ADAMTSL1: variants seen among roughly 807,000 people sequenced by gnomAD.
ADAMTSL1 encodes the protein ADAMTS-like protein 1.
ADAMTSL1 carries 126 observed loss-of-function variants against 201.8 expected under a neutral mutation model. The ratio of observed to expected loss-of-function variants is 0.62; its 90% CI spans 0.54 to 0.72. ADAMTSL1 has a LOEUF of 0.72. ADAMTSL1 is among the 30% of genes least tolerant of loss of function. The pLI, the probability that ADAMTSL1 is intolerant of heterozygous loss-of-function variation, is 0.00. For synonymous variants in ADAMTSL1, 1,121 were observed against 903.4 expected, an observed-to-expected ratio of 1.24 and a Z score of -4.32; for missense variants, 2,679 against 2,277.8, an observed-to-expected ratio of 1.18 and a Z score of -3.59.
At chr9:18,658,949 T>C (rs1828885548) in intron 8 of ADAMTSL1, among the ~76,000 whole-genome samples, 1 of 152,248 alleles carries the variant, frequency 6.6e-6, no homozygotes, top group South Asian at 2.1e-4. Context: ...TGGCACACAT[T>C]ACCAAATTCT....
chr9:18,848,017 G>A (rs1183873420), intron 23 of ADAMTSL1, among the ~76,000 whole-genome samples: 1 of 152,248 alleles, frequency 6.6e-6, no homozygotes, highest in Non-Finnish European at 1.5e-5. Flanking sequence ...GAATGTTATA[G>A]AGCTGACTCT....
At chr9:18,634,736 G>T (rs1437148896) in intron 5 of ADAMTSL1, among the ~76,000 whole-genome samples, 1 of 151,128 alleles carries the variant, frequency 6.6e-6, no homozygotes, top group African/African-American at 2.4e-5. Context: ...TACTTGGGAG[G>T]CTGAGGCAGA....
chr9:18,111,595 G>A (rs1413270348), intron 1 of ADAMTSL1, among the ~76,000 whole-genome samples: 1 of 152,138 alleles, frequency 6.6e-6, no homozygotes, highest in Non-Finnish European at 1.5e-5. Flanking sequence ...AAAATTTCAA[G>A]CATCATTTAA....
At chr9:18,880,432 A>G (rs888093132) in intron 23 of ADAMTSL1, among the ~76,000 whole-genome samples, 12 of 152,206 alleles carry the variant, frequency 7.9e-5, no homozygotes, top group Non-Finnish European at 8.8e-5. Context: ...TGCAGAATGG[A>G]TGTTATGTTC....
chr9:18,841,861 T>C (rs1825738692), intron 23 of ADAMTSL1, among the ~76,000 whole-genome samples: 1 of 152,218 alleles, frequency 6.6e-6, no homozygotes, highest in African/African-American at 2.4e-5. Context: ...GTACTTTGTA[T>C]TTCTGTGGGA....
chr9:18,327,138 T>TA (rs1388920798), intron 2 of ADAMTSL1, among the ~76,000 whole-genome samples: 1 of 152,258 alleles, frequency 6.6e-6, no homozygotes, highest in Non-Finnish European at 1.5e-5. Flanking sequence ...AGGTCATTTT[T>TA]AGTTATATGC....
chr9:18,222,506 A>G (rs1830296108), intron 2 of ADAMTSL1, among the ~76,000 whole-genome samples: 2 of 151,854 alleles, frequency 1.3e-5, no homozygotes, highest in Admixed American at 1.3e-4. Flanking sequence ...AAATGCTTTC[A>G]CTTCAATCAT....
intron 23 of ADAMTSL1, among the ~76,000 whole-genome samples, chr9:18,831,564 T>A (rs76030825): frequency 0.015 from 2,350 of 152,362 alleles, 27 homozygotes; most frequent in Non-Finnish European, 0.023. Context: ...TTTTGTTTCA[T>A]TTTAGCCATG....
intron 2 of ADAMTSL1, among the ~76,000 whole-genome samples, chr9:18,399,670 G>A (rs977967923): frequency 2.6e-5 from 4 of 152,076 alleles, no homozygotes; most frequent in Middle Eastern, 3.4e-3. Flanking sequence ...TTATTTTAAA[G>A]TCTTCATTTT....
At chr9:18,420,651 C>G (rs1344007406) in intron 2 of ADAMTSL1, among the ~76,000 whole-genome samples, 1 of 151,772 alleles carries the variant, frequency 6.6e-6, no homozygotes, top group Non-Finnish European at 1.5e-5. Context: ...TCATTGATAG[C>G]AGGGGACCTG....
In ADAMTSL1 at chr9:18,143,552, T is replaced by G. The variant is rs73645726; in HGVS notation, c.88-20310T>G. 2.6e-3 allele frequency among the ~76,000 whole-genome samples: 392 copies of G among 152,234 alleles called. 1 individual carries two copies. Among genetic ancestry groups the G allele is most frequent in the African/African-American group, 9.1e-3 (377 of 41,558 alleles). ...GTCACTCTGTCTGATGGAATCATATTGGCATCCTCCCTTGTCAGAACCCCA... is the reference window on the plus strand; with the variant it reads ...GTCACTCTGTCTGATGGAATCATATGGGCATCCTCCCTTGTCAGAACCCCA... On this transcript the variant is annotated intron_variant, in intron 1 of 29. Transcript: ENST00000680146.
intron 1 of ADAMTSL1, among the ~76,000 whole-genome samples, chr9:18,155,131 C>T (rs2156685): frequency 4.6e-5 from 7 of 151,912 alleles, no homozygotes; most frequent in African/African-American, 1.7e-4. Context: ...TTATTTTCTT[C>T]TATTTTGTTT....
intron 1 of ADAMTSL1, among the ~76,000 whole-genome samples, chr9:17,982,288 C>T (rs1381862815): frequency 1.3e-5 from 2 of 152,078 alleles, no homozygotes; most frequent in Non-Finnish European, 2.9e-5. Flanking sequence ...TGAGTTGTGG[C>T]CTTGTCAGAT....
intron 7 of ADAMTSL1, among the ~76,000 whole-genome samples, chr9:18,655,839 A>AAAAAAAAAAAAAAAT (rs1353421587): frequency 1.1e-5 from 1 of 92,856 alleles, no homozygotes; most frequent in African/African-American, 3.6e-5. Flanking sequence ...AAAAAAAAAG[A>AAAAAAAAAAAAAAAT]ACTTTCCAAG....
intron 4 of ADAMTSL1, 66 bp from the exon 5 acceptor site, chr9:18,622,177 G>T (rs974114011): frequency 1.3e-6 from 2 of 1,577,398 alleles, no homozygotes; most frequent in South Asian, 1.2e-5. Flanking sequence ...CATGGTGATT[G>T]GCCTCATAAT....
chr9:17,941,144 G>A (rs1827223700), intron 1 of ADAMTSL1, among the ~76,000 whole-genome samples: 1 of 152,096 alleles, frequency 6.6e-6, no homozygotes, highest in South Asian at 2.1e-4. Context: ...GCATGTTTTT[G>A]TCTGTATTGT....
At chr9:18,554,612 G>A (rs542118770) in intron 3 of ADAMTSL1, among the ~76,000 whole-genome samples, 42 of 151,216 alleles carry the variant, frequency 2.8e-4, no homozygotes, top group Non-Finnish European at 3.4e-4. Flanking sequence ...ACCTTTACCC[G>A]TAGCCAACCT....
At chr9:18,033,747 C>T (rs1166841404) in intron 1 of ADAMTSL1, among the ~76,000 whole-genome samples, 3 of 152,220 alleles carry the variant, frequency 2.0e-5, no homozygotes, top group African/African-American at 4.8e-5. Flanking sequence ...TCTTTATACT[C>T]ATACTATAAT....
intron 2 of ADAMTSL1, among the ~76,000 whole-genome samples, chr9:18,295,862 T>G (rs1833460598): frequency 1.3e-5 from 2 of 152,232 alleles, no homozygotes; most frequent in East Asian, 1.9e-4. Context: ...TTTGGATTTT[T>G]AAAAATGTAT....
Sources: allele counts gnomAD v4.1 joint callset (sites outside exome capture counted in the v4.1 genomes callset), GRCh38; gene constraint gnomAD v4.1.1; transcripts MANE v1.5; gene names NCBI Gene and HGNC (gene_info 2026-07-23, HGNC 2026-07-21).